TNIK: variants seen among roughly 807,000 people sequenced by gnomAD.
TNIK encodes TRAF2 and NCK interacting kinase, also known as TRAF2 and NCK-interacting protein kinase.
A neutral mutation model predicts 191.3 loss-of-function variants in TNIK; 49 were observed. The ratio of observed to expected loss-of-function variants is 0.26; its 90% CI spans 0.20 to 0.32. The LOEUF (loss-of-function observed/expected upper bound fraction) is 0.32, where lower values mean the gene tolerates loss of function less well. TNIK is among the 10% of genes least tolerant of loss of function. The pLI is 1.00. For missense variants in TNIK, 1,155 were observed against 1,702.3 expected (o/e 0.68, Z 5.66); for synonymous variants, 594 against 600.9 (o/e 0.99, Z 0.17).
chr3:171,171,052 TA>T (rs982947595), intron 9 of TNIK, among the ~76,000 whole-genome samples: 20 of 150,582 alleles, frequency 1.3e-4, no homozygotes, highest in African/African-American at 4.4e-4. Flanking sequence ...ACTCTGTCTC[TA>T]AAAAAAAAGA....
chr3:171,218,340 T>C (rs1405776423), intron 3 of TNIK, among the ~76,000 whole-genome samples: 1 of 152,114 alleles, frequency 6.6e-6, no homozygotes, highest in Non-Finnish European at 1.5e-5. Context: ...AAGCCTGCAC[T>C]GAGGCATGAC....
chr3:171,327,146 A>T (rs547802766), intron 2 of TNIK, among the ~76,000 whole-genome samples: 1 of 152,322 alleles, frequency 6.6e-6, no homozygotes, highest in African/African-American at 2.4e-5. Flanking sequence ...ATTATACCTC[A>T]GTGTGACTTA....
At chr3:171,452,763 C>T (rs1198537417) in intron 1 of TNIK, among the ~76,000 whole-genome samples, 1 of 140,982 alleles carries the variant, frequency 7.1e-6, no homozygotes, top group African/African-American at 2.7e-5. Flanking sequence ...CACACACACA[C>T]ACACACACAT....
chr3:171,119,359 C>CA (rs1727296011), intron 18 of TNIK, among the ~76,000 whole-genome samples: 2 of 152,290 alleles, frequency 1.3e-5, no homozygotes, highest in African/African-American at 4.8e-5. Flanking sequence ...TAAACTAGTT[C>CA]AACCATTGTG....
chr3:171,400,233 C>T (rs769367867), intron 1 of TNIK, among the ~76,000 whole-genome samples: 2 of 152,100 alleles, frequency 1.3e-5, no homozygotes, highest in South Asian at 4.1e-4. Context: ...AGAAATCATG[C>T]CAAATTTCCC....
chr3:171,324,994 G>C (rs898043715), intron 2 of TNIK, among the ~76,000 whole-genome samples: 1 of 152,002 alleles, frequency 6.6e-6, no homozygotes. Context: ...CCAGCTACTC[G>C]GGAGGCTGAG....
At chr3:171,359,272 T>C (rs1052775224) in intron 2 of TNIK, among the ~76,000 whole-genome samples, 4 of 152,198 alleles carry the variant, frequency 2.6e-5, no homozygotes, top group African/African-American at 9.7e-5. Context: ...AACTCGAAGA[T>C]GTTAAACAGT....
At position 171,110,867 on chromosome 3, in the gene TNIK, G is replaced by A; in HGVS notation, c.2131C>T (p.Leu711Phe). ...SQPIRASNPDLRRTEPILESP... is the reference protein window; with the variant it reads ...SQPIRASNPDFRRTEPILESP... ...TCCAAGATGGGCTCAGTTCTCCGGA[G>A]ATCAGGGTTGCTGTGTGAGTGACAG... The change falls in exon 19 of 33, where the codon CTC becomes TTC. Residue 711 changes from leucine (L) to phenylalanine (F), a missense_variant. Physicochemically the swap from Leu to Phe is conservative, Grantham distance 22. Coordinates refer to ENST00000436636, the MANE Select transcript of TNIK (RefSeq NM_015028.4). The A allele has an allele frequency of 1.9e-6, 3 of 1,602,012 alleles. No homozygotes were observed. Among genetic ancestry groups the A allele is most frequent in the Non-Finnish European group, 2.6e-6 (3 of 1,175,042 alleles).
chr3:171,434,563 T>C (rs1372863264), intron 1 of TNIK, among the ~76,000 whole-genome samples: 1 of 152,116 alleles, frequency 6.6e-6, no homozygotes, highest in Non-Finnish European at 1.5e-5. Flanking sequence ...GCTCAAGCAA[T>C]CTTCCTACCT....
chr3:171,220,293 A>G (rs1742139755), intron 3 of TNIK, among the ~76,000 whole-genome samples: 2 of 152,124 alleles, frequency 1.3e-5, no homozygotes, highest in African/African-American at 4.8e-5. Context: ...CCTAATGTAG[A>G]TGACAGGTTG....
chr3:171,154,298 G>A (rs1479472259), intron 12 of TNIK, among the ~76,000 whole-genome samples: 1 of 151,824 alleles, frequency 6.6e-6, no homozygotes, highest in Non-Finnish European at 1.5e-5. Context: ...GAGCCAAAGT[G>A]TATATTTTTT....
intron 3 of TNIK, among the ~76,000 whole-genome samples, chr3:171,220,522 G>A (rs755646756): frequency 7.9e-5 from 12 of 152,184 alleles, no homozygotes; most frequent in Non-Finnish European, 1.5e-4. Flanking sequence ...GAAGTCAAAA[G>A]AGGGGAATGA....
chr3:171,097,104 GTTAAAC>G (rs1201222731), intron 22 of TNIK, among the ~76,000 whole-genome samples: 2 of 152,142 alleles, frequency 1.3e-5, no homozygotes, highest in East Asian at 1.9e-4. Flanking sequence ...AGGAAAAAGA[GTTAAAC>G]TTAATGTATA....
At chr3:171,187,530 A>G (rs1239065162) in intron 7 of TNIK, among the ~76,000 whole-genome samples, 3 of 152,194 alleles carry the variant, frequency 2.0e-5, no homozygotes, top group Non-Finnish European at 4.4e-5. Flanking sequence ...GATTTCAATA[A>G]TAACCCCACA....
chr3:171,276,790 TAAG>T (rs775174923), intron 2 of TNIK, among the ~76,000 whole-genome samples: 22 of 152,298 alleles, frequency 1.4e-4, no homozygotes, highest in Admixed American at 6.5e-4. Context: ...GATGCATACT[TAAG>T]AAGTAAACTT....
chr3:171,096,217 C>T (rs1722701699), intron 22 of TNIK, among the ~76,000 whole-genome samples: 1 of 152,078 alleles, frequency 6.6e-6, no homozygotes, highest in African/African-American at 2.4e-5. Flanking sequence ...CAATCAAGTT[C>T]TCCTGTCCTA....
intron 2 of TNIK, among the ~76,000 whole-genome samples, chr3:171,318,260 G>A (rs1288289183): frequency 6.6e-6 from 1 of 152,054 alleles, no homozygotes; most frequent in Non-Finnish European, 1.5e-5. Flanking sequence ...TATTTAACAT[G>A]AGTGTTTCAA....
intron 4 of TNIK, among the ~76,000 whole-genome samples, chr3:171,206,443 G>C: frequency 6.6e-6 from 1 of 151,600 alleles, no homozygotes; most frequent in East Asian, 2.0e-4. Flanking sequence ...ATCTCCATGA[G>C]AAGAGCAATT....
intron 1 of TNIK, among the ~76,000 whole-genome samples, chr3:171,433,730 T>C (rs1321829199): frequency 2.6e-5 from 4 of 152,110 alleles, no homozygotes; most frequent in Non-Finnish European, 4.4e-5. Context: ...ATATTTTTAT[T>C]GAAATTCCAT....
Sources: allele counts gnomAD v4.1 joint callset (sites outside exome capture counted in the v4.1 genomes callset), GRCh38; gene constraint gnomAD v4.1.1; transcripts MANE v1.5; gene names NCBI Gene and HGNC (gene_info 2026-07-23, HGNC 2026-07-21).